Variants in EPHA3 observed in about 807,000 individuals in gnomAD.
EPHA3 encodes the protein ephrin type-A receptor 3.
Under a neutral mutation model 107.1 loss-of-function variants are expected in EPHA3, and 42 were observed. The ratio of observed to expected loss-of-function variants is 0.39; its 90% confidence interval spans 0.31 to 0.51. The LOEUF is 0.51. Ranked by LOEUF, EPHA3 falls within the 20% of genes least tolerant of loss-of-function variation. The pLI, the probability that EPHA3 is intolerant of heterozygous loss-of-function variation, is 0.78. For synonymous variants in EPHA3, 461 were observed against 424.8 expected (o/e 1.09, Z -1.05); for missense variants, 1,183 against 1,211.2 (o/e 0.98, Z 0.35).
chr3:89,370,979 A>G (rs972566981), intron 5 of EPHA3, among the ~76,000 whole-genome samples: 4 of 151,626 alleles, frequency 2.6e-5, no homozygotes, highest in African/African-American at 9.7e-5. Flanking sequence ...TAATGGATAT[A>G]AAGTAAGAAA....
At chr3:89,342,156 G>T in intron 5 of EPHA3, 66 bp downstream of exon 5, 1 of 1,422,192 alleles carries the variant, frequency 7.0e-7, no homozygotes, top group South Asian at 1.4e-5. Flanking sequence ...TTGACTCTGG[G>T]TGGAAAACTG....
At chr3:89,419,172 C>G in intron 10 of EPHA3, 33 bp from the exon 11 acceptor site, 1 of 1,528,200 alleles carries the variant, frequency 6.5e-7, no homozygotes, top group East Asian at 2.3e-5. Flanking sequence ...TATAGAATTC[C>G]TTACATTTTG....
intron 3 of EPHA3, among the ~76,000 whole-genome samples, chr3:89,248,966 A>G (rs1705100225): frequency 6.6e-6 from 1 of 152,222 alleles, no homozygotes; most frequent in African/African-American, 2.4e-5. Flanking sequence ...CCTATGTGTC[A>G]GTCCTCATGT....
At chr3:89,165,791 G>T (rs1027564120) in intron 2 of EPHA3, among the ~76,000 whole-genome samples, 1 of 152,060 alleles carries the variant, frequency 6.6e-6, no homozygotes, top group Non-Finnish European at 1.5e-5. Flanking sequence ...AATGATAAAG[G>T]CCCCTGCCGT....
At chr3:89,474,921 A>G (rs987656618) in intron 16 of EPHA3, among the ~76,000 whole-genome samples, 13 of 152,172 alleles carry the variant, frequency 8.5e-5, no homozygotes, top group African/African-American at 2.7e-4. Flanking sequence ...CTTTTCCTGA[A>G]AGACAGCTTT....
chr3:89,312,355 A>G (rs1392005307), intron 3 of EPHA3, among the ~76,000 whole-genome samples: 3 of 148,636 alleles, frequency 2.0e-5, no homozygotes, highest in Non-Finnish European at 4.5e-5. Context: ...ATTCGCAGTT[A>G]CGCAATTCTG....
In EPHA3 at chr3:89,179,260, T is replaced by C. The variant is rs565422352; in HGVS notation, c.154-30600T>C. 2.0e-5 allele frequency among the ~76,000 whole-genome samples: 3 copies of C among 152,218 alleles called. No homozygotes were observed. The East Asian group carries it at 5.8e-4, about 29-fold the overall frequency. ...TTTTCTAATGTTTTTCCTACTGTTA[T>C]ACTGATCTCTGATATCTCTTATTCC... On this transcript the variant is annotated intron_variant, in intron 2 of 16. Coordinates refer to ENST00000336596, the MANE Select transcript of EPHA3 (RefSeq NM_005233.6).
chr3:89,312,322 G>C (rs1363830285), intron 3 of EPHA3, among the ~76,000 whole-genome samples: 1 of 149,470 alleles, frequency 6.7e-6, no homozygotes, highest in East Asian at 1.9e-4. Context: ...GTTTTTTAGA[G>C]AAAGCTTAAA....
At chr3:89,178,491 A>G (rs999893961) in intron 2 of EPHA3, among the ~76,000 whole-genome samples, 3 of 152,008 alleles carry the variant, frequency 2.0e-5, no homozygotes, top group African/African-American at 7.2e-5. Context: ...GTTTTGAAAG[A>G]AATTCTTGTT....
intron 3 of EPHA3, among the ~76,000 whole-genome samples, chr3:89,274,309 C>T (rs536240237): frequency 6.6e-6 from 1 of 152,006 alleles, no homozygotes. Flanking sequence ...AAAAATCATT[C>T]CATCTCTGTT....
chr3:89,447,036 A>C (rs1709889364), intron 13 of EPHA3, among the ~76,000 whole-genome samples: 1 of 152,156 alleles, frequency 6.6e-6, no homozygotes. Flanking sequence ...TGGCATCCTG[A>C]GTAGATTCTG....
intron 2 of EPHA3, among the ~76,000 whole-genome samples, chr3:89,146,786 T>G (rs1704568358): frequency 6.6e-6 from 1 of 152,024 alleles, no homozygotes; most frequent in Admixed American, 6.6e-5. Context: ...GTTTTACATT[T>G]AAGTCTTTAG....
chr3:89,130,914 G>A (rs567337604), intron 2 of EPHA3, among the ~76,000 whole-genome samples: 114 of 152,276 alleles, frequency 7.5e-4, no homozygotes, highest in Admixed American at 2.4e-3. Context: ...GGGATTACAG[G>A]CGTGAGACAC....
At chr3:89,466,963 T>C (rs1466391830) in intron 15 of EPHA3, among the ~76,000 whole-genome samples, 1 of 152,132 alleles carries the variant, frequency 6.6e-6, no homozygotes, top group Non-Finnish European at 1.5e-5. Flanking sequence ...CCTTAAGGCC[T>C]AGAGATAATT....
intron 3 of EPHA3, among the ~76,000 whole-genome samples, chr3:89,322,220 T>C (rs1707060116): frequency 1.3e-5 from 2 of 151,960 alleles, no homozygotes; most frequent in South Asian, 2.1e-4. Flanking sequence ...CAAGTATCCA[T>C]TGAGTCTTTG....
chr3:89,318,767 G>C (rs761309800), intron 3 of EPHA3, among the ~76,000 whole-genome samples: 1 of 151,908 alleles, frequency 6.6e-6, no homozygotes, highest in South Asian at 2.1e-4. Flanking sequence ...AAGAATGGTA[G>C]AGTAAATCAC....
intron 5 of EPHA3, among the ~76,000 whole-genome samples, chr3:89,379,025 A>T (rs910580551): frequency 6.6e-6 from 1 of 152,110 alleles, no homozygotes; most frequent in Non-Finnish European, 1.5e-5. Flanking sequence ...AAAATTCTTC[A>T]GATAAATTAA....
In EPHA3 at chr3:89,355,627, G is replaced by T. The variant is rs530090572; in HGVS notation, c.1306+13537G>T. Among the ~76,000 whole-genome samples, 27 of 150,560 alleles carry T rather than the reference G, an allele frequency of 1.8e-4. 2 individuals carry two copies. The highest frequency in any genetic ancestry group is 3.4e-4 in the Non-Finnish European group (23 of 67,364). On this transcript the variant is annotated intron_variant, in intron 5 of 16. Transcript: ENST00000336596. ...TTGGACTAAACTTACTGGCATCTTT[G>T]TATCCTTTTTGATTATTGGTACAGT... is the stretch of plus-strand genomic sequence containing the variant.
chr3:89,441,218 T>C (rs1709777031), intron 13 of EPHA3, among the ~76,000 whole-genome samples: 1 of 152,178 alleles, frequency 6.6e-6, no homozygotes, highest in Non-Finnish European at 1.5e-5. Context: ...CCTCCAGTTA[T>C]TTAGCTATAC....
Sources: gnomAD v4.1 joint callset for allele counts (sites outside exome capture counted in the v4.1 genomes callset) on GRCh38, gnomAD v4.1.1 for gene constraint, MANE v1.5 for transcripts, NCBI Gene and HGNC (gene_info 2026-07-23, HGNC 2026-07-21) for gene names.